FOXN3: variants seen among roughly 807,000 people sequenced by gnomAD.
FOXN3 encodes the protein forkhead box protein N3.
FOXN3 carries 7 observed loss-of-function variants against 38.4 expected under a neutral mutation model. That is an observed-to-expected ratio of 0.18 (90% CI 0.10 to 0.34). The LOEUF (loss-of-function observed/expected upper bound fraction) is 0.34. FOXN3 is among the 10% of genes least tolerant of loss of function. The probability of loss-of-function intolerance (pLI) is 1.00; values close to 1 mark genes in which losing one functional copy is unlikely to be tolerated. For synonymous variants in FOXN3, 230 were observed against 242.2 expected (o/e 0.95, Z 0.47); for missense variants, 456 against 613.4 (o/e 0.74, Z 2.71).
chr14:89,377,458 C>G (rs145254142), intron 2 of FOXN3, among the ~76,000 whole-genome samples: 2,301 of 152,250 alleles, frequency 0.015, 29 homozygotes, highest in Non-Finnish European at 0.022. Context: ...AAAAGGATGT[C>G]TTTGTTCTGA....
chr14:89,455,681 G>A (rs1376273013), intron 1 of FOXN3, among the ~76,000 whole-genome samples: 1 of 152,162 alleles, frequency 6.6e-6, no homozygotes, highest in Non-Finnish European at 1.5e-5. Context: ...GGCTGAGTGG[G>A]TGTGGAAGGA....
At chr14:89,189,277 TG>T (rs1887885010) in intron 4 of FOXN3, among the ~76,000 whole-genome samples, 1 of 152,148 alleles carries the variant, frequency 6.6e-6, no homozygotes, top group Admixed American at 6.5e-5. Flanking sequence ...TGAGGATGGA[TG>T]TTTTCCTGTG....
At chr14:89,391,639 C>T (rs1032646599) in intron 2 of FOXN3, among the ~76,000 whole-genome samples, 12 of 152,174 alleles carry the variant, frequency 7.9e-5, no homozygotes, top group Non-Finnish European at 1.2e-4. Flanking sequence ...GAAAAATAAG[C>T]GACAGTCCCC....
intron 1 of FOXN3, among the ~76,000 whole-genome samples, chr14:89,519,058 A>G (rs921988167): frequency 6.6e-6 from 1 of 152,150 alleles, no homozygotes; most frequent in African/African-American, 2.4e-5. Flanking sequence ...GCACTCATCT[A>G]TAGAGCTATG....
intron 1 of FOXN3, among the ~76,000 whole-genome samples, chr14:89,568,262 G>A (rs185523978): frequency 1.8e-4 from 27 of 152,234 alleles, no homozygotes; most frequent in Non-Finnish European, 2.6e-4. Flanking sequence ...CCTGGTCTCC[G>A]TGACTGCACT....
intron 4 of FOXN3, among the ~76,000 whole-genome samples, chr14:89,264,516 T>C (rs572227209): frequency 1.3e-5 from 2 of 152,246 alleles, no homozygotes; most frequent in East Asian, 3.9e-4. Flanking sequence ...AAGATTTCGG[T>C]GGGGACACAG....
chr14:89,254,753 C>T (rs912247701), intron 4 of FOXN3, among the ~76,000 whole-genome samples: 5 of 152,068 alleles, frequency 3.3e-5, no homozygotes, highest in Admixed American at 2.6e-4. Context: ...TCTGAACACT[C>T]GTCTCCTCCA....
At chr14:89,402,220 T>A (rs1237832236) in intron 2 of FOXN3, among the ~76,000 whole-genome samples, 2 of 152,216 alleles carry the variant, frequency 1.3e-5, no homozygotes, top group Admixed American at 1.3e-4. Flanking sequence ...AACCAGAATC[T>A]CTTAAAGCAA....
chr14:89,259,043 C>A (rs144743197), intron 4 of FOXN3, among the ~76,000 whole-genome samples: 8 of 152,254 alleles, frequency 5.3e-5, no homozygotes, highest in Non-Finnish European at 7.3e-5. Flanking sequence ...CCTGTCTATA[C>A]AACAGAATCA....
At chr14:89,384,616 G>C (rs1208721293) in intron 2 of FOXN3, among the ~76,000 whole-genome samples, 1 of 152,002 alleles carries the variant, frequency 6.6e-6, no homozygotes, top group African/African-American at 2.4e-5. Flanking sequence ...CACAATACCA[G>C]GAATGAGTCC....
At chr14:89,388,268 T>C (rs1430219326) in intron 2 of FOXN3, among the ~76,000 whole-genome samples, 1 of 152,178 alleles carries the variant, frequency 6.6e-6, no homozygotes, top group Non-Finnish European at 1.5e-5. Flanking sequence ...CTTCCATGGA[T>C]GGCAGCAATC....
intron 1 of FOXN3, among the ~76,000 whole-genome samples, chr14:89,509,889 T>C (rs1894021249): frequency 6.6e-6 from 1 of 152,234 alleles, no homozygotes; most frequent in African/African-American, 2.4e-5. Flanking sequence ...AAATGACCCA[T>C]TGTGGCAGAT....
chr14:89,213,281 A>G lies in FOXN3; in HGVS notation c.746-32475T>C, dbSNP rs555929046. ...GTATCTGTGGAACCTTCGTAACTAC[A>G]TTAAATTCTGTTAAAGACATTTCTT... On this transcript the variant is annotated intron_variant, in intron 4 of 5. Coordinates refer to ENST00000557258, the MANE Select transcript of FOXN3 (RefSeq NM_005197.4). Among the ~76,000 whole-genome samples, 9 of 152,350 alleles carry G rather than the reference A, an allele frequency of 5.9e-5. No individual in the cohort carries two copies. The South Asian group carries it at 1.9e-3, about 32-fold the overall frequency.
rs1158401983 is a variant in FOXN3, at chr14:89,240,755, T to C, written c.745+40195A>G. Among the ~76,000 whole-genome samples the C allele has an allele frequency of 3.3e-5, 5 of 152,338 alleles. No homozygotes were observed. The East Asian group carries it at 9.6e-4, about 29-fold the overall frequency. On this transcript the variant is annotated intron_variant, in intron 4 of 5. Transcript: ENST00000557258. Reference sequence around the variant, plus strand: ...CAAGAGAATGCCGTACTTTTCACTATATATCTTTTGGTATAATGTTTTTTA... The same window carrying C: ...CAAGAGAATGCCGTACTTTTCACTACATATCTTTTGGTATAATGTTTTTTA...
At chr14:89,276,417 GA>G (rs1247216066) in intron 4 of FOXN3, among the ~76,000 whole-genome samples, 1 of 152,254 alleles carries the variant, frequency 6.6e-6, no homozygotes, top group South Asian at 2.1e-4. Flanking sequence ...TAGTGACGGA[GA>G]AAAGGAAGAG....
chr14:89,612,986 A>G (rs937942150), intron 1 of FOXN3, among the ~76,000 whole-genome samples: 39 of 151,766 alleles, frequency 2.6e-4, no homozygotes, highest in Non-Finnish European at 4.7e-4. Context: ...GCGTGGTGGC[A>G]CGCACCTGTA....
chr14:89,572,714 T>C (rs1895519676), intron 1 of FOXN3, among the ~76,000 whole-genome samples: 1 of 152,156 alleles, frequency 6.6e-6, no homozygotes. Context: ...AGAACAGAGG[T>C]TGGGAACACA....
At chr14:89,378,879 G>C (rs1890562689) in intron 2 of FOXN3, among the ~76,000 whole-genome samples, 1 of 151,984 alleles carries the variant, frequency 6.6e-6, no homozygotes, top group Non-Finnish European at 1.5e-5. Context: ...GCTAATTTTT[G>C]TATTTTTAGT....
chr14:89,554,599 A>C (rs905200887), intron 1 of FOXN3, among the ~76,000 whole-genome samples: 3 of 152,302 alleles, frequency 2.0e-5, no homozygotes, highest in Admixed American at 1.3e-4. Flanking sequence ...AAGAATATGC[A>C]GTGAAAACTT....
Sources: allele counts gnomAD v4.1 joint callset (sites outside exome capture counted in the v4.1 genomes callset), GRCh38; gene constraint gnomAD v4.1.1; transcripts MANE v1.5; gene names NCBI Gene and HGNC (gene_info 2026-07-23, HGNC 2026-07-21).